Variants in KANSL1L observed in about 807,000 individuals in gnomAD.
KANSL1L encodes the protein KAT8 regulatory NSL complex subunit 1-like protein.
KANSL1L carries 25 observed loss-of-function variants against 108.6 expected under a neutral mutation model. The observed-to-expected ratio is 0.23, with a 90% CI of 0.17 to 0.32. The LOEUF (loss-of-function observed/expected upper bound fraction) is 0.32, where lower values mean the gene tolerates loss of function less well. Among genes scored for constraint, KANSL1L ranks in the 10% least tolerant of loss-of-function variants. The pLI, the probability that KANSL1L is intolerant of heterozygous loss-of-function variation, is 1.00. For missense variants in KANSL1L, 1,137 were observed against 1,125.7 expected, an observed-to-expected ratio of 1.01 and a Z score of -0.14; for synonymous variants, 405 against 395.1, an observed-to-expected ratio of 1.03 and a Z score of -0.30.
Position 210,095,331 on chromosome 2 carries a change from ACTT to A in KANSL1L, c.1550+2752_1550+2754del, listed in dbSNP as rs939313970. On this transcript the variant is annotated intron_variant, in intron 5 of 14. Transcript: ENST00000281772. ...AGGGTAATCTTGACCCCCTCTCTCTACTTCTTCTCCAATTCTCTTACTAATTCA... is the reference window on the plus strand; with the variant it reads ...AGGGTAATCTTGACCCCCTCTCTCTACTTCTCCAATTCTCTTACTAATTCA... 1.2e-4 allele frequency among the ~76,000 whole-genome samples: 18 copies of A among 152,002 alleles called. No individual in the cohort carries two copies. In the East Asian group the frequency reaches 3.1e-3, roughly 26 times the overall value.
chr2:210,088,292 A>G (rs1444473529), intron 5 of KANSL1L: 2 of 152,360 alleles, frequency 1.3e-5, no homozygotes, highest in Non-Finnish European at 2.9e-5. Context: ...GAAGGCTGAC[A>G]CTAGTGGCAA....
intron 2 of KANSL1L, among the ~76,000 whole-genome samples, chr2:210,134,368 TTAA>T (rs951452590): frequency 2.0e-5 from 3 of 152,162 alleles, no homozygotes; most frequent in African/African-American, 4.8e-5. Context: ...TCAGTTTCCA[TTAA>T]TAATTTTTCT....
intron 5 of KANSL1L, chr2:210,080,319 G>A (rs1055592945): frequency 3.3e-5 from 5 of 152,124 alleles, no homozygotes; most frequent in African/African-American, 1.2e-4. Flanking sequence ...CTTGCATGAT[G>A]CTTTCCCTTG....
At chr2:210,100,929 T>A (rs142026712) in intron 4 of KANSL1L, among the ~76,000 whole-genome samples, 6 of 152,324 alleles carry the variant, frequency 3.9e-5, no homozygotes, top group East Asian at 1.9e-4. Context: ...TGAGCTACCA[T>A]GCCCGGCCAC....
At chr2:210,121,092 C>T (rs886102844) in intron 3 of KANSL1L, among the ~76,000 whole-genome samples, 1 of 152,126 alleles carries the variant, frequency 6.6e-6, no homozygotes, top group African/African-American at 2.4e-5. Flanking sequence ...TGTGGCAATT[C>T]CTCAAAGACC....
At chr2:210,026,872 G>A (rs975549853) in intron 12 of KANSL1L, among the ~76,000 whole-genome samples, 1 of 152,098 alleles carries the variant, frequency 6.6e-6, no homozygotes, top group Non-Finnish European at 1.5e-5. Context: ...CCGGGTTCAC[G>A]CTATTCTCCT....
chr2:210,038,699 C>A (rs2094134056), intron 8 of KANSL1L, among the ~76,000 whole-genome samples: 1 of 151,864 alleles, frequency 6.6e-6, no homozygotes, highest in South Asian at 2.1e-4. Context: ...TTAGTGATAT[C>A]AGTTTTTAAT....
intron 9 of KANSL1L, among the ~76,000 whole-genome samples, chr2:210,030,499 C>CTTTT (rs34540957): frequency 8.5e-6 from 1 of 118,176 alleles, no homozygotes; most frequent in Non-Finnish European, 1.7e-5. Context: ...CTTCCAAGTT[C>CTTTT]TTTTTTTTTT....
intron 3 of KANSL1L, among the ~76,000 whole-genome samples, chr2:210,119,123 G>T (rs771486836): frequency 1.1e-3 from 167 of 152,012 alleles, no homozygotes; most frequent in Non-Finnish European, 2.0e-3. Context: ...GGCGGAGGTT[G>T]CAGTGAGCCA....
At chr2:210,106,441 ATAGT>A (rs1055839999) in intron 3 of KANSL1L, among the ~76,000 whole-genome samples, 2 of 152,180 alleles carry the variant, frequency 1.3e-5, no homozygotes, top group Non-Finnish European at 2.9e-5. Context: ...AAAGCCTGCT[ATAGT>A]TAGTTTAATA....
At chr2:210,043,863 A>G in intron 7 of KANSL1L, 76 bp downstream of exon 7, 1 of 974,968 alleles carries the variant, frequency 1.0e-6, no homozygotes, top group Non-Finnish European at 1.5e-6. Flanking sequence ...AAGATTTATT[A>G]GATTCTCTGT....
chr2:210,098,635 T>A (rs571597364), intron 4 of KANSL1L, among the ~76,000 whole-genome samples: 12 of 152,212 alleles, frequency 7.9e-5, no homozygotes, highest in Non-Finnish European at 1.0e-4. Context: ...AAGATAATAT[T>A]AGAGGTACTG....
intron 5 of KANSL1L, among the ~76,000 whole-genome samples, chr2:210,079,385 C>T (rs1004282614): frequency 6.6e-6 from 1 of 151,308 alleles, no homozygotes; most frequent in Non-Finnish European, 1.5e-5. Flanking sequence ...CACTTGAGGT[C>T]AGGAGTTCGA....
intron 6 of KANSL1L, among the ~76,000 whole-genome samples, chr2:210,065,967 T>G (rs2094464159): frequency 6.6e-6 from 1 of 152,096 alleles, no homozygotes; most frequent in African/African-American, 2.4e-5. Context: ...ATCAGGGGTC[T>G]TGGAAGGAAG....
chr2:210,050,474 C>T (rs368206616), intron 6 of KANSL1L, among the ~76,000 whole-genome samples: 3 of 152,014 alleles, frequency 2.0e-5, no homozygotes, highest in East Asian at 3.9e-4. Context: ...AGCAGACATA[C>T]CACTCAAGCA....
At chr2:210,165,669 T>A (rs187855320) in intron 1 of KANSL1L, among the ~76,000 whole-genome samples, 58 of 152,266 alleles carry the variant, frequency 3.8e-4, no homozygotes, top group African/African-American at 1.3e-3. Flanking sequence ...AAACAATAGG[T>A]AGACTGTAAA....
chr2:210,147,465 T>G (rs1375995633), intron 2 of KANSL1L, among the ~76,000 whole-genome samples: 1 of 152,150 alleles, frequency 6.6e-6, no homozygotes, highest in African/African-American at 2.4e-5. Context: ...AAAATAAAAA[T>G]AAAAATAAAA....
chr2:210,056,041 C>T (rs373403445), intron 6 of KANSL1L, among the ~76,000 whole-genome samples: 11 of 152,344 alleles, frequency 7.2e-5, no homozygotes, highest in African/African-American at 1.2e-4. Context: ...TCGTGGGCTG[C>T]GCCCAGGACC....
At chr2:210,077,792 T>C (rs1355759994) in intron 5 of KANSL1L, among the ~76,000 whole-genome samples, 1 of 152,152 alleles carries the variant, frequency 6.6e-6, no homozygotes, top group Admixed American at 6.5e-5. Context: ...ATGTTAGCTT[T>C]CCCCTCCCCA....
Sources: gnomAD v4.1 joint callset for allele counts (sites outside exome capture counted in the v4.1 genomes callset) on GRCh38, gnomAD v4.1.1 for gene constraint, MANE v1.5 for transcripts, NCBI Gene and HGNC (gene_info 2026-07-23, HGNC 2026-07-21) for gene names.